The following TSHZ2 variants were observed in gnomAD, a reference collection of about 807,000 sequenced individuals.
TSHZ2 encodes teashirt zinc finger homeobox 2.
Under a neutral mutation model 74.4 loss-of-function variants are expected in TSHZ2, and 21 were observed. The ratio of observed to expected loss-of-function variants is 0.28; its 90% CI spans 0.20 to 0.41. TSHZ2 has a LOEUF of 0.41. Among genes scored for constraint, TSHZ2 ranks in the 10% least tolerant of loss-of-function variants. The pLI is 1.00. For missense variants in TSHZ2, 1,244 were observed against 1,293.5 expected (o/e 0.96, Z 0.59); for synonymous variants, 540 against 515.3 (o/e 1.05, Z -0.65).
chr20:53,434,686 G>A (rs1461928179), intron 2 of TSHZ2, among the ~76,000 whole-genome samples: 2 of 152,222 alleles, frequency 1.3e-5, no homozygotes, highest in Non-Finnish European at 2.9e-5. Flanking sequence ...TAGGAAGTCT[G>A]GAGAGCCGCA....
chr20:53,194,056 A>T (rs747462931), intron 1 of TSHZ2, among the ~76,000 whole-genome samples: 5 of 152,134 alleles, frequency 3.3e-5, no homozygotes, highest in Admixed American at 6.5e-5. Flanking sequence ...TGCTTTCCTG[A>T]TGGAAAACAC....
rs570124317 is a variant in TSHZ2 at position 53,309,339 on chromosome 20, C to T, written c.*8+52768C>T. ...GGATATTAGCTCTTGTTTCTGCCCT[C>T]CCACCCCACTTCTATACCAAAGCAT... is the stretch of plus-strand genomic sequence containing the variant. On this transcript the variant is annotated intron_variant, in intron 2 of 2. Transcript: ENST00000371497. Among the ~76,000 whole-genome samples the T allele has an allele frequency of 3.9e-5, 6 of 152,210 alleles. No individual in the cohort carries two copies. The East Asian group carries it at 9.6e-4, about 24-fold the overall frequency.
intron 2 of TSHZ2, among the ~76,000 whole-genome samples, chr20:53,391,445 G>GT (rs34433732): frequency 0.43 from 65,021 of 150,148 alleles, 16,412 homozygotes; most frequent in Non-Finnish European, 0.58. Context: ...GCACCAGGCC[G>GT]TTTTTTTTGT....
chr20:53,400,993 T>C (rs1188534308), intron 2 of TSHZ2: 1 of 152,234 alleles, frequency 6.6e-6, no homozygotes, highest in East Asian at 1.9e-4. Context: ...ATGCATTCAA[T>C]CATGTAGAAC....
At chr20:53,042,043 C>A (rs1444688860) in intron 1 of TSHZ2, among the ~76,000 whole-genome samples, 1 of 151,166 alleles carries the variant, frequency 6.6e-6, no homozygotes, top group East Asian at 1.9e-4. Flanking sequence ...GCATATTACC[C>A]AAATGTGGGA....
intron 2 of TSHZ2, among the ~76,000 whole-genome samples, chr20:53,330,876 G>A (rs1279468894): frequency 6.6e-6 from 1 of 152,108 alleles, no homozygotes; most frequent in Non-Finnish European, 1.5e-5. Flanking sequence ...GGCTCCTTCT[G>A]GATCCTTCCC....
At chr20:53,183,018 G>A (rs1008340518) in intron 1 of TSHZ2, among the ~76,000 whole-genome samples, 5 of 152,098 alleles carry the variant, frequency 3.3e-5, no homozygotes, top group Non-Finnish European at 7.4e-5. Flanking sequence ...CTTGAACTTG[G>A]TGTACTGAGC....
intron 1 of TSHZ2, among the ~76,000 whole-genome samples, chr20:53,213,500 A>G (rs114463224): frequency 8.7e-4 from 133 of 152,304 alleles, no homozygotes; most frequent in African/African-American, 3.0e-3. Context: ...TTAAAGTTTA[A>G]TTAATCAGTC....
intron 1 of TSHZ2, among the ~76,000 whole-genome samples, chr20:53,083,828 G>A (rs1444854282): frequency 6.7e-6 from 1 of 150,324 alleles, no homozygotes. Flanking sequence ...AACTTGAAGA[G>A]GGAATGTCTA....
intron 1 of TSHZ2, among the ~76,000 whole-genome samples, chr20:53,110,583 T>TA (rs2123321434): frequency 6.6e-6 from 1 of 152,116 alleles, no homozygotes; most frequent in South Asian, 2.1e-4. Context: ...GTTAAGAAGA[T>TA]ACGTGATCAA....
chr20:53,123,904 C>T (rs1986878841), intron 1 of TSHZ2, among the ~76,000 whole-genome samples: 1 of 152,148 alleles, frequency 6.6e-6, no homozygotes, highest in African/African-American at 2.4e-5. Context: ...TTAAAAGGTG[C>T]TTATAAAAAC....
chr20:53,156,982 A>C (rs889915473), intron 1 of TSHZ2, among the ~76,000 whole-genome samples: 1 of 152,182 alleles, frequency 6.6e-6, no homozygotes, highest in Non-Finnish European at 1.5e-5. Context: ...TTAAGCAGAG[A>C]AACATTAGAC....
chr20:53,024,663 C>G (rs193082993), intron 1 of TSHZ2, among the ~76,000 whole-genome samples: 1 of 152,060 alleles, frequency 6.6e-6, no homozygotes, highest in African/African-American at 2.4e-5. Context: ...CACCCACCAA[C>G]AGGCCCCGGT....
intron 1 of TSHZ2, among the ~76,000 whole-genome samples, chr20:53,070,905 C>T (rs1184097599): frequency 6.6e-6 from 1 of 152,140 alleles, no homozygotes; most frequent in Non-Finnish European, 1.5e-5. Context: ...TTATTTTTGA[C>T]AGGACTTAAA....
At position 53,340,179 on chromosome 20, in the gene TSHZ2, TTTTTC is replaced by T. The variant is rs1380325717; in HGVS notation, c.*8+83613_*8+83617del. On this transcript the variant is annotated intron_variant, in intron 2 of 2. Transcript: ENST00000371497. ...ATAAAACAAGGTGACTTTTCTTTCTTTTTTCTTTTTTTTTTTTTTTTGAGATGGAG... is the reference window on the plus strand; with the variant it reads ...ATAAAACAAGGTGACTTTTCTTTCTTTTTTTTTTTTTTTTTTGAGATGGAG... 8.2e-3 allele frequency among the ~76,000 whole-genome samples: 460 copies of T among 56,028 alleles called. 27 individuals carry two copies. The highest frequency in any genetic ancestry group is 0.046 in the African/African-American group (430 of 9,276). 36.8% of individuals were successfully genotyped at this position (56,028 alleles called of 152,430 possible). A position where few individuals can be genotyped will look rare whatever the true frequency, so the allele number is the denominator to read the frequency against.
chr20:53,380,663 G>T (rs1292781966), intron 2 of TSHZ2, among the ~76,000 whole-genome samples: 1 of 152,164 alleles, frequency 6.6e-6, no homozygotes, highest in Admixed American at 6.5e-5. Context: ...TTCAAGTTCA[G>T]ATTATCCCAG....
At chr20:53,145,827 C>T (rs915650389) in intron 1 of TSHZ2, among the ~76,000 whole-genome samples, 1 of 152,194 alleles carries the variant, frequency 6.6e-6, no homozygotes, top group African/African-American at 2.4e-5. Flanking sequence ...GAAATACGCA[C>T]AAGGCACAGA....
At chr20:53,361,065 G>A (rs925953431) in intron 2 of TSHZ2, among the ~76,000 whole-genome samples, 19 of 152,132 alleles carry the variant, frequency 1.2e-4, no homozygotes, top group African/African-American at 3.9e-4. Flanking sequence ...CCCGCTGCCC[G>A]CCCAGCCCCC....
At chr20:53,351,688 C>T (rs1006938966) in intron 2 of TSHZ2, among the ~76,000 whole-genome samples, 1 of 152,140 alleles carries the variant, frequency 6.6e-6, no homozygotes, top group Non-Finnish European at 1.5e-5. Flanking sequence ...AGTGTCAAGT[C>T]AGTTCACTTT....
Sources: allele counts gnomAD v4.1 joint callset (sites outside exome capture counted in the v4.1 genomes callset), GRCh38; gene constraint gnomAD v4.1.1; transcripts MANE v1.5; gene names NCBI Gene and HGNC (gene_info 2026-07-23, HGNC 2026-07-21).